The following DTNB variants were observed in gnomAD, a reference collection of about 807,000 sequenced individuals.
DTNB encodes the protein DTN-B.
DTNB carries 63 observed loss-of-function variants against 90.7 expected under a neutral mutation model. The observed-to-expected ratio is 0.69, with a 90% CI of 0.57 to 0.86. DTNB has a LOEUF of 0.86. Ranked by LOEUF, DTNB falls within the 40% of genes least tolerant of loss-of-function variation. DTNB has a pLI of 0.00. For synonymous variants in DTNB, 277 were observed against 286.7 expected (o/e 0.97, Z 0.34); for missense variants, 744 against 807.1 (o/e 0.92, Z 0.95).
At chr2:25,568,867 A>G (rs1010796322) in intron 8 of DTNB, among the ~76,000 whole-genome samples, 1 of 152,206 alleles carries the variant, frequency 6.6e-6, no homozygotes, top group Admixed American at 6.5e-5. Flanking sequence ...GACTCTTCAC[A>G]TAAGGCAGAA....
chr2:25,407,727 T>C (rs185324483), intron 16 of DTNB, among the ~76,000 whole-genome samples: 5 of 152,242 alleles, frequency 3.3e-5, no homozygotes, highest in African/African-American at 9.6e-5. Flanking sequence ...GCTATGAGTA[T>C]GTAAAAACAC....
chr2:25,609,165 C>T (rs2067829611), intron 4 of DTNB, among the ~76,000 whole-genome samples: 1 of 152,194 alleles, frequency 6.6e-6, no homozygotes, highest in African/African-American at 2.4e-5. Context: ...GTGGGTCACC[C>T]TTTTAATTAA....
chr2:25,581,204 G>C (rs548237475), intron 6 of DTNB, among the ~76,000 whole-genome samples: 45 of 152,202 alleles, frequency 3.0e-4, no homozygotes, highest in African/African-American at 1.1e-3. Flanking sequence ...GTGGGGAAGA[G>C]AAGACACCCC....
rs949822893 is a variant in DTNB at position 25,424,841 on chromosome 2, T to C, written c.1554+2694A>G. Among the ~76,000 whole-genome samples, 5 of 152,146 alleles carry C rather than the reference T, an allele frequency of 3.3e-5. No individual in the cohort carries two copies. The highest frequency in any genetic ancestry group is 7.4e-5 in the Non-Finnish European group (5 of 68,022). On this transcript the variant is annotated intron_variant, in intron 15 of 20. Transcript: ENST00000406818. The surrounding 1 kb of genome is among the most constrained non-coding windows in gnomAD (Gnocchi z 4.1). Reference sequence around the variant, plus strand: ...TGCCACCGTGCCCGGCTAATTTTTGTGTTTTTAGTAGAGATGGGGTTTTGC... The same window carrying C: ...TGCCACCGTGCCCGGCTAATTTTTGCGTTTTTAGTAGAGATGGGGTTTTGC...
rs913966544 is a variant in DTNB, at chr2:25,627,744, T to G, written c.362+427A>C. On this transcript the variant is annotated intron_variant, in intron 4 of 20. Transcript: ENST00000406818. The stretch of plus-strand genomic sequence containing the variant: ...TACACCGAATAATTTTCCTTTTTTT[T>G]TTTTTTTTTTAAGACAATGTCTCGC... Among the ~76,000 whole-genome samples the G allele has an allele frequency of 1.0e-3, 154 of 151,832 alleles. 1 individual carries two copies. Among genetic ancestry groups the G allele is most frequent in the African/African-American group, 3.6e-3 (149 of 41,386 alleles).
chr2:25,652,532 T>TAAAAAAAAAAAAA, intron 2 of DTNB, 62 bp downstream of exon 2: 1 of 1,271,836 alleles, frequency 7.9e-7, no homozygotes, highest in Admixed American at 2.6e-5. Flanking sequence ...TGACTTGATC[T>TAAAAAAAAAAAAA]AAAAAAAAAA....
chr2:25,552,649 G>A (rs2056506100), intron 8 of DTNB, among the ~76,000 whole-genome samples: 1 of 152,112 alleles, frequency 6.6e-6, no homozygotes, highest in African/African-American at 2.4e-5. Flanking sequence ...TTCAGAGCCT[G>A]AGGCCTACTA....
At chr2:25,410,409 GT>G (rs2046301345) in intron 16 of DTNB, among the ~76,000 whole-genome samples, 1 of 152,156 alleles carries the variant, frequency 6.6e-6, no homozygotes, top group African/African-American at 2.4e-5. Context: ...TGCTCAGGGA[GT>G]TTTGGGGGAG....
intron 13 of DTNB, 143 bp from the exon 14 acceptor site, chr2:25,433,142 T>C (rs2054519950): frequency 1.4e-6 from 1 of 720,672 alleles, no homozygotes; most frequent in Non-Finnish European, 2.2e-6. Context: ...AGAGGTGAAA[T>C]GGACACCTTC....
intron 8 of DTNB, among the ~76,000 whole-genome samples, chr2:25,546,122 T>TAG (rs1165694675): frequency 6.6e-6 from 1 of 152,168 alleles, no homozygotes. Flanking sequence ...CCTCAGGCAA[T>TAG]AGACTGTGAC....
chr2:25,406,774 A>G (rs1573953029), intron 16 of DTNB, among the ~76,000 whole-genome samples: 1 of 152,026 alleles, frequency 6.6e-6, no homozygotes, highest in East Asian at 1.9e-4. Context: ...CTGGGTGGTG[A>G]GCTGCTGTGG....
At chr2:25,666,532 CTT>C (rs2084488305) in intron 1 of DTNB, among the ~76,000 whole-genome samples, 1 of 152,144 alleles carries the variant, frequency 6.6e-6, no homozygotes, top group Non-Finnish European at 1.5e-5. Context: ...AGAAAAAAGT[CTT>C]TGTATAAAGT....
At chr2:25,489,366 A>G (rs1335349818) in intron 9 of DTNB, among the ~76,000 whole-genome samples, 1 of 152,238 alleles carries the variant, frequency 6.6e-6, no homozygotes, top group Admixed American at 6.5e-5. Context: ...ATAAAAATTA[A>G]AAAGATGAAA....
rs962794228 is a variant in DTNB at position 25,492,850 on chromosome 2, C to CA, written c.1002-9978dup. ...GGGTGACAAAGTGAGACCTTGTCTC[C>CA]AAAAAAAAAAGGAGGAAATGAATAA... On this transcript the variant is annotated intron_variant, in intron 9 of 20. Transcript: ENST00000406818. Among the ~76,000 whole-genome samples the CA allele has an allele frequency of 8.9e-3, 1,278 of 143,770 alleles. 19 individuals carry two copies. Among genetic ancestry groups the CA allele is most frequent in the African/African-American group, 0.031 (1,202 of 39,262 alleles). The allele number at this position is 143,770 out of a possible 152,430, so 94.3% of individuals were successfully genotyped here.
intron 6 of DTNB, among the ~76,000 whole-genome samples, chr2:25,585,532 CA>C (rs2062225268): frequency 2.0e-5 from 3 of 152,160 alleles, no homozygotes; most frequent in Admixed American, 1.3e-4. Context: ...TACCTCTTCC[CA>C]TTTTTAAAAG....
intron 9 of DTNB, among the ~76,000 whole-genome samples, chr2:25,494,057 T>A (rs1027896211): frequency 4.6e-5 from 7 of 152,236 alleles, no homozygotes; most frequent in African/African-American, 1.7e-4. Flanking sequence ...CATACATTTC[T>A]TTACTTTTGC....
intron 3 of DTNB, among the ~76,000 whole-genome samples, chr2:25,636,749 CTTCCTTTTTT>C (rs1490739639): frequency 6.6e-6 from 1 of 151,950 alleles, no homozygotes; most frequent in Non-Finnish European, 1.5e-5. Flanking sequence ...TTTTATTTTT[CTTCCTTTTTT>C]TTCCTATTAT....
intron 12 of DTNB, among the ~76,000 whole-genome samples, chr2:25,441,510 C>G (rs999241222): frequency 6.6e-6 from 1 of 152,098 alleles, no homozygotes; most frequent in Non-Finnish European, 1.5e-5. Flanking sequence ...TTTAATGAGG[C>G]GATGTCATGT....
chr2:25,541,044 A>G (rs1040177449), intron 8 of DTNB, among the ~76,000 whole-genome samples: 1 of 151,908 alleles, frequency 6.6e-6, no homozygotes, highest in Non-Finnish European at 1.5e-5. Flanking sequence ...TTAAAAAAAA[A>G]AAGAAAACAA....
Sources: allele counts gnomAD v4.1 joint callset (sites outside exome capture counted in the v4.1 genomes callset), GRCh38; gene constraint gnomAD v4.1.1; non-coding constraint Gnocchi (gnomAD v3.1); transcripts MANE v1.5; gene names NCBI Gene and HGNC (gene_info 2026-07-23, HGNC 2026-07-21).